The following PLD5 variants were observed in gnomAD, a reference collection of about 807,000 sequenced individuals.
PLD5 encodes phospholipase D family member 5.
In PLD5, 36 loss-of-function variants were observed where a neutral mutation model predicts 61.1. The observed-to-expected ratio is 0.59, with a 90% CI of 0.45 to 0.78. PLD5 has a LOEUF of 0.78. Ranked by LOEUF, PLD5 falls within the 30% of genes least tolerant of loss-of-function variation. The probability of loss-of-function intolerance (pLI) is 0.00; values close to 1 mark genes in which losing one functional copy is unlikely to be tolerated. For synonymous variants in PLD5, 243 were observed against 242.8 expected, an observed-to-expected ratio of 1.00 and a Z score of -0.01; for missense variants, 515 against 644.4, an observed-to-expected ratio of 0.80 and a Z score of 2.17.
At chr1:242,210,042 G>A (rs1215109866) in intron 5 of PLD5, among the ~76,000 whole-genome samples, 3 of 152,136 alleles carry the variant, frequency 2.0e-5, no homozygotes, top group Non-Finnish European at 4.4e-5. Context: ...TGATCTGCCC[G>A]CCTCGGCCTC....
intron 1 of PLD5, among the ~76,000 whole-genome samples, chr1:242,392,929 C>A (rs537919614): frequency 6.6e-6 from 1 of 151,942 alleles, no homozygotes; most frequent in Admixed American, 6.6e-5. Context: ...TAGGCAGGGC[C>A]GCAGTGGCTC....
chr1:242,463,085 C>T (rs779266313), intron 1 of PLD5, among the ~76,000 whole-genome samples: 1 of 152,170 alleles, frequency 6.6e-6, no homozygotes, highest in Non-Finnish European at 1.5e-5. Flanking sequence ...CAATCTCATG[C>T]CTCCCACTCT....
intron 4 of PLD5, among the ~76,000 whole-genome samples, chr1:242,254,227 T>C (rs1362190967): frequency 6.6e-6 from 1 of 151,880 alleles, no homozygotes; most frequent in African/African-American, 2.4e-5. Context: ...GCAACAGCTA[T>C]AGTGGATGTC....
intron 1 of PLD5, among the ~76,000 whole-genome samples, chr1:242,505,789 T>C (rs1052340554): frequency 9.9e-5 from 15 of 152,202 alleles, no homozygotes; most frequent in African/African-American, 3.6e-4. Context: ...ACTGCAATCA[T>C]GTCCACATCC....
intron 1 of PLD5, among the ~76,000 whole-genome samples, chr1:242,475,047 A>C (rs1254339056): frequency 6.6e-6 from 1 of 152,232 alleles, no homozygotes; most frequent in Non-Finnish European, 1.5e-5. Context: ...CCAGTAGTCA[A>C]GAAATAAATG....
chr1:242,154,524 C>A (rs1341798414), intron 5 of PLD5, among the ~76,000 whole-genome samples: 3 of 152,086 alleles, frequency 2.0e-5, no homozygotes, highest in Non-Finnish European at 4.4e-5. Context: ...TCCGTCAATA[C>A]CCAGTTTATT....
At chr1:242,444,281 T>C (rs2654882) in intron 1 of PLD5, among the ~76,000 whole-genome samples, 91,640 of 151,974 alleles carry the variant, frequency 0.6, 29,424 homozygotes, top group African/African-American at 0.82. Context: ...CTTTTTCCAA[T>C]AAATAGCATC....
chr1:242,403,133 C>T (rs1664034184), intron 1 of PLD5, among the ~76,000 whole-genome samples: 1 of 152,208 alleles, frequency 6.6e-6, no homozygotes, highest in South Asian at 2.1e-4. Context: ...GAGGCGGTGC[C>T]TTTGGCATGG....
chr1:242,526,164 A>T (rs934233509), upstream of PLD5, among the ~76,000 whole-genome samples: 1 of 152,132 alleles, frequency 6.6e-6, no homozygotes, highest in Non-Finnish European at 1.5e-5. Flanking sequence ...GCCCCTTGGG[A>T]GGAGGAGGCA....
chr1:242,299,679 A>G (rs1448234371), intron 2 of PLD5, among the ~76,000 whole-genome samples: 1 of 152,246 alleles, frequency 6.6e-6, no homozygotes, highest in Non-Finnish European at 1.5e-5. Flanking sequence ...CAGATTCGCT[A>G]GCAGAGTTGC....
At chr1:242,113,084 C>CTTTTTTTTTTTTTTTTTTTTTTTTTTT (rs71570931) in intron 7 of PLD5, among the ~76,000 whole-genome samples, 1 of 110,694 alleles carries the variant, frequency 9.0e-6, no homozygotes, top group Non-Finnish European at 1.8e-5. Flanking sequence ...CTCTCTCTCT[C>CTTTTTTTTTTTTTTTTTTTTTTTTTTT]TTTTTTTTTT....
chr1:242,146,091 A>G (rs979892963), intron 5 of PLD5, among the ~76,000 whole-genome samples: 1 of 152,234 alleles, frequency 6.6e-6, no homozygotes, highest in Admixed American at 6.5e-5. Flanking sequence ...GAATTCATCA[A>G]TCAAGCTGAT....
At chr1:242,200,396 C>G (rs402098) in intron 5 of PLD5, among the ~76,000 whole-genome samples, 128,622 of 152,224 alleles carry the variant, frequency 0.84, 54,798 homozygotes, top group African/African-American at 0.95. Context: ...AAAAGATCTT[C>G]AATAAGGCCC....
intron 5 of PLD5, among the ~76,000 whole-genome samples, chr1:242,171,234 T>A (rs1005165828): frequency 6.6e-6 from 1 of 152,190 alleles, no homozygotes; most frequent in Non-Finnish European, 1.5e-5. Flanking sequence ...GGGCCAATAT[T>A]CAACATTCTT....
intron 1 of PLD5, among the ~76,000 whole-genome samples, chr1:242,501,305 C>G (rs890916096): frequency 6.6e-6 from 1 of 152,224 alleles, no homozygotes; most frequent in African/African-American, 2.4e-5. Flanking sequence ...AATCCCAGAC[C>G]AACAAATCTG....
intron 5 of PLD5, among the ~76,000 whole-genome samples, chr1:242,182,580 C>T (rs1290480928): frequency 3.9e-5 from 6 of 152,160 alleles, no homozygotes; most frequent in East Asian, 1.9e-4. Flanking sequence ...CAGTGGCTCA[C>T]GCTTGTAATT....
chr1:242,273,072 C>T (rs1310907106), intron 3 of PLD5, among the ~76,000 whole-genome samples: 2 of 152,070 alleles, frequency 1.3e-5, no homozygotes, highest in African/African-American at 2.4e-5. Context: ...GCTCTCCCTC[C>T]CCTTGCCCCC....
intron 4 of PLD5, among the ~76,000 whole-genome samples, chr1:242,244,538 T>A (rs1477435436): frequency 2.0e-5 from 3 of 152,346 alleles, no homozygotes; most frequent in Middle Eastern, 3.4e-3. Context: ...AATGAGTGGA[T>A]ACAAATACGT....
intron 1 of PLD5, among the ~76,000 whole-genome samples, chr1:242,427,001 T>C (rs777095998): frequency 5.3e-5 from 8 of 152,106 alleles, no homozygotes; most frequent in Admixed American, 1.3e-4. Context: ...AAGCAACACA[T>C]TGAAGGACAC....
Sources: allele counts gnomAD v4.1 joint callset (sites outside exome capture counted in the v4.1 genomes callset), GRCh38; gene constraint gnomAD v4.1.1; transcripts MANE v1.5; gene names NCBI Gene and HGNC (gene_info 2026-07-23, HGNC 2026-07-21).